Variants in CHCHD10 observed in about 807,000 individuals in gnomAD.
CHCHD10 encodes coiled-coil-helix-coiled-coil-helix domain containing 10.
A neutral mutation model predicts 14.8 loss-of-function variants in CHCHD10; 10 were observed. The observed-to-expected ratio is 0.67, with a 90% CI of 0.42 to 1.14. The LOEUF (loss-of-function observed/expected upper bound fraction) is 1.14, where lower values mean the gene tolerates loss of function less well. CHCHD10 is among the 50% of genes most tolerant of loss of function. CHCHD10 has a pLI of 0.00. For missense variants in CHCHD10, 203 were observed against 196.9 expected, an observed-to-expected ratio of 1.03 and a Z score of -0.19; for synonymous variants, 90 against 85.2, an observed-to-expected ratio of 1.06 and a Z score of -0.31.
intron 2 of CHCHD10, among the ~76,000 whole-genome samples, chr22:23,766,730 G>C (rs1227313162): frequency 6.6e-6 from 1 of 152,202 alleles, no homozygotes; most frequent in Non-Finnish European, 1.5e-5. Context: ...GGGATTACAG[G>C]CATGAGCCAC....
In CHCHD10 at chr22:23,766,279, G is replaced by A. The variant is rs1021130344; in HGVS notation, c.262-4C>T. Reference sequence around the variant, plus strand: ...GGGGGGCAGCGGGGGTGGGGGCCTGGGGGTACAGTGCAAGAGGCTGCAGGA... The same window carrying A: ...GGGGGGCAGCGGGGGTGGGGGCCTGAGGGTACAGTGCAAGAGGCTGCAGGA... On this transcript the variant is annotated splice_region_variant and splice_polypyrimidine_tract_variant and intron_variant, in intron 2 of 3. Coordinates refer to ENST00000484558, the MANE Select transcript of CHCHD10 (RefSeq NM_213720.3). The A allele has an allele frequency of 5.2e-6, 8 of 1,546,036 alleles. No individual in the cohort carries two copies. In the African/African-American group the frequency reaches 9.6e-5, roughly 19 times the overall value.
Position 23,767,545 on chromosome 22 carries a change from C to G in CHCHD10, c.90G>C (p.Ser30=). 7.3e-7 allele frequency: 1 copy of G among 1,370,602 alleles called. No homozygotes were observed. Among genetic ancestry groups the G allele is most frequent in the East Asian group, 3.3e-5 (1 of 30,670 alleles). 84.9% of individuals were successfully genotyped at this position (1,370,602 alleles called of 1,614,324 possible). A position where few individuals can be genotyped will look rare whatever the true frequency, so the allele number is the denominator to read the frequency against. The part of the protein sequence containing the change: ...SAHPPAHPPP[S]AAAPAPAPSG... ...AAGGGGCGGGGGCTGGGGCGGCTGCCGAGGGCGGTGGGTGCGCGGGCGGGT... is the reference window on the plus strand; with the variant it reads ...AAGGGGCGGGGGCTGGGGCGGCTGCGGAGGGCGGTGGGTGCGCGGGCGGGT... The change falls in exon 2 of 4, where the codon TCG becomes TCC. Residue 30 remains serine (S), a synonymous_variant. Coordinates refer to ENST00000484558, the MANE Select transcript of CHCHD10 (RefSeq NM_213720.3).
At chr22:23,767,742 C>A in intron 1 of CHCHD10, 92 bp downstream of exon 1, 1 of 1,171,350 alleles carries the variant, frequency 8.5e-7, no homozygotes. Flanking sequence ...CAAGATGGCG[C>A]AGCAGCAGCC....
rs776159405 is a variant in CHCHD10 at position 23,767,823 on chromosome 22, C to A, written c.41+11G>T. 3 of 1,539,432 alleles carry A rather than the reference C, an allele frequency of 1.9e-6. No homozygotes were observed. The highest frequency in any genetic ancestry group is 2.6e-5 in the East Asian group (1 of 38,574). ...AACCCCCTCCCCACAGGGCCCTTGTCCCCCTCACACCTGGCTGGCCGGGAG... is the reference window on the plus strand; with the variant it reads ...AACCCCCTCCCCACAGGGCCCTTGTACCCCTCACACCTGGCTGGCCGGGAG... On this transcript the variant is annotated intron_variant, in intron 1 of 3. Coordinates refer to ENST00000484558, the MANE Select transcript of CHCHD10 (RefSeq NM_213720.3).
chr22:23,766,259 G>GGGGGGGGC lies in CHCHD10; in HGVS notation c.277_278insGCCCCCCC (p.Ala93GlyfsTer40). The stretch of plus-strand genomic sequence containing the variant: ...GGGCCCCATCTGCAGGGGCTGGGGG[G>GGGGGGGGC]CAGCGGGGGTGGGGGCCTGGGGGTA... On this transcript the variant is annotated frameshift_variant, in exon 3 of 4. Coordinates refer to ENST00000484558, the MANE Select transcript of CHCHD10 (RefSeq NM_213720.3). LOFTEE classifies it high-confidence loss of function. 6.6e-7 allele frequency: 1 copy of GGGGGGGGC among 1,508,750 alleles called. No homozygotes were observed. Among genetic ancestry groups the GGGGGGGGC allele is most frequent in the Non-Finnish European group, 9.0e-7 (1 of 1,112,976 alleles). 93.5% of individuals were successfully genotyped at this position (1,508,750 alleles called of 1,614,324 possible). A position where few individuals can be genotyped will look rare whatever the true frequency, so the allele number is the denominator to read the frequency against.
rs774726757 is a variant in CHCHD10, at chr22:23,766,013, C to A, written c.423G>T (p.Leu141=). The change falls in exon 4 of 4, where the codon CTG becomes CTT. Residue 141 remains leucine (L), a synonymous_variant. Transcript: ENST00000484558. ...QCKYYHGLSS[L]P Reference sequence around the variant, plus strand: ...CGAGTCTGCACCGACCTCTTCAGGGCAGGGAGCTCAGACCTGGGAAGGGAG... The same window carrying A: ...CGAGTCTGCACCGACCTCTTCAGGGAAGGGAGCTCAGACCTGGGAAGGGAG... 1.9e-6 allele frequency: 3 copies of A among 1,613,504 alleles called. No homozygotes were observed. The highest frequency in any genetic ancestry group is 1.7e-4 in the Middle Eastern group (1 of 6,034).
chr22:23,766,054 G>A (rs368433071), intron 3 of CHCHD10, 28 bp from the exon 4 acceptor site: 1 of 1,613,398 alleles, frequency 6.2e-7, no homozygotes, highest in Non-Finnish European at 8.5e-7. Flanking sequence ...GCACAGGCTG[G>A]TGGTCAGCCT....
chr22:23,767,657 C>A, intron 1 of CHCHD10, 64 bp from the exon 2 acceptor site: 1 of 856,424 alleles, frequency 1.2e-6, no homozygotes, highest in Non-Finnish European at 1.7e-6. Context: ...GCTGCAGCTC[C>A]TGGAAACGAC....
Sources: allele counts gnomAD v4.1 joint callset (sites outside exome capture counted in the v4.1 genomes callset), GRCh38; gene constraint gnomAD v4.1.1; transcripts MANE v1.5; gene names NCBI Gene and HGNC (gene_info 2026-07-23, HGNC 2026-07-21).